Variants in LRGUK observed in about 807,000 individuals in gnomAD.
LRGUK encodes the protein leucine rich repeats and guanylate kinase domain containing, also known as leucine-rich repeat and guanylate kinase domain-containing protein.
In LRGUK, 65 loss-of-function variants were observed where a neutral mutation model predicts 76.0. The ratio of observed to expected loss-of-function variants is 0.85; its 90% CI spans 0.70 to 1.05. The LOEUF is 1.05. Ranked by LOEUF, LRGUK falls within the 50% of genes least tolerant of loss-of-function variation. The pLI, the probability that LRGUK is intolerant of heterozygous loss-of-function variation, is 0.00. For missense variants in LRGUK, 758 were observed against 732.8 expected, an observed-to-expected ratio of 1.03 and a Z score of -0.40; for synonymous variants, 268 against 265.6, an observed-to-expected ratio of 1.01 and a Z score of -0.09.
chr7:134,149,107 T>TAAAA (rs149661388), intron 5 of LRGUK, among the ~76,000 whole-genome samples: 1 of 127,128 alleles, frequency 7.9e-6, no homozygotes, highest in African/African-American at 2.7e-5. Context: ...CTTTCTTTTT[T>TAAAA]TAAAAAAAAA....
intron 16 of LRGUK, among the ~76,000 whole-genome samples, chr7:134,240,473 T>C (rs551301443): frequency 6.6e-6 from 1 of 151,992 alleles, no homozygotes; most frequent in East Asian, 1.9e-4. Flanking sequence ...ATCAAATGAG[T>C]GAAATGAAGC....
intron 3 of LRGUK, among the ~76,000 whole-genome samples, chr7:134,139,902 T>C (rs946411735): frequency 7.9e-5 from 12 of 152,210 alleles, no homozygotes; most frequent in African/African-American, 2.7e-4. Flanking sequence ...CTTTTCTTTA[T>C]TTTGCTTTTG....
chr7:134,222,597 T>G (rs776932587), intron 16 of LRGUK, among the ~76,000 whole-genome samples: 3 of 152,026 alleles, frequency 2.0e-5, no homozygotes, highest in Non-Finnish European at 2.9e-5. Context: ...TTTGTTTGTT[T>G]TGTTTTGTTT....
intron 15 of LRGUK, among the ~76,000 whole-genome samples, chr7:134,221,006 C>A (rs1292950480): frequency 6.6e-6 from 1 of 152,166 alleles, no homozygotes. Context: ...CTTCACTACA[C>A]TTGTAGTGCC....
At chr7:134,165,492 C>G (rs1041789841) in intron 7 of LRGUK, among the ~76,000 whole-genome samples, 1 of 152,150 alleles carries the variant, frequency 6.6e-6, no homozygotes, top group African/African-American at 2.4e-5. Context: ...CGAAACATCA[C>G]GTGAGCCACA....
At chr7:134,268,715 A>AAC (rs1802904777), downstream of LRGUK, among the ~76,000 whole-genome samples, 1 of 111,868 alleles carries the variant, frequency 8.9e-6, no homozygotes, top group South Asian at 2.7e-4. Context: ...TATGCAAAAA[A>AAC]TCTTTTTTTT....
chr7:134,157,647 C>T (rs1585457447), intron 5 of LRGUK, among the ~76,000 whole-genome samples: 2 of 152,290 alleles, frequency 1.3e-5, no homozygotes, highest in Middle Eastern at 6.8e-3. Flanking sequence ...CTCAGCCTCC[C>T]GAGTAGCTGG....
exon 16 of LRGUK, chr7:134,209,797 G>T (rs1585560374): frequency 2.5e-6 from 1 of 399,558 alleles, no homozygotes; most frequent in Non-Finnish European, 4.4e-6. Context: ...AGGAAGAGAA[G>T]GTCAGTGAGG....
chr7:134,197,617 G>T (rs1173047516), intron 13 of LRGUK, among the ~76,000 whole-genome samples: 1 of 152,122 alleles, frequency 6.6e-6, no homozygotes, highest in African/African-American at 2.4e-5. Flanking sequence ...TGTGTGGGCT[G>T]TGCTGCCATT....
chr7:134,182,411 A>G (rs1799794081), intron 10 of LRGUK, among the ~76,000 whole-genome samples: 1 of 152,170 alleles, frequency 6.6e-6, no homozygotes, highest in Non-Finnish European at 1.5e-5. Context: ...CAGATCTGTC[A>G]GATGCTGCCC....
downstream of LRGUK, among the ~76,000 whole-genome samples, chr7:134,265,299 C>T (rs1490584889): frequency 1.3e-5 from 2 of 152,054 alleles, no homozygotes; most frequent in African/African-American, 4.8e-5. Context: ...TGCACATTTC[C>T]TGGTTTTTCT....
chr7:134,148,234 C>T lies in LRGUK; in HGVS notation c.589-4C>T. 6.3e-7 allele frequency: 1 copy of T among 1,591,264 alleles called. No homozygotes were observed. Among genetic ancestry groups the T allele is most frequent in the Non-Finnish European group, 8.6e-7 (1 of 1,164,624 alleles). On this transcript the variant is annotated splice_polypyrimidine_tract_variant and splice_region_variant and intron_variant, in intron 4 of 15. Transcript: ENST00000645682. Reference sequence around the variant, plus strand: ...ATAACATCTTGTTCTCTTTCTCTTGCCAGAAGGCGGATTTTTCCCACAACC... The same window carrying T: ...ATAACATCTTGTTCTCTTTCTCTTGTCAGAAGGCGGATTTTTCCCACAACC...
chr7:134,240,314 A>G (rs560385562), intron 16 of LRGUK, among the ~76,000 whole-genome samples: 5 of 152,228 alleles, frequency 3.3e-5, no homozygotes, highest in Non-Finnish European at 7.3e-5. Context: ...ATGAAAGATT[A>G]GACGAATGGC....
intron 5 of LRGUK, among the ~76,000 whole-genome samples, chr7:134,157,538 T>A (rs573828887): frequency 6.6e-6 from 1 of 152,250 alleles, no homozygotes; most frequent in African/African-American, 2.4e-5. Context: ...TATGCGTTTT[T>A]TTGAGACGGA....
chr7:134,147,288 A>T (rs1257832591), intron 4 of LRGUK, among the ~76,000 whole-genome samples: 1 of 151,696 alleles, frequency 6.6e-6, no homozygotes, highest in East Asian at 1.9e-4. Flanking sequence ...ACAACAAAAA[A>T]CCCGGGTGTG....
chr7:134,227,881 C>A (rs886613312), intron 16 of LRGUK, among the ~76,000 whole-genome samples: 7 of 151,914 alleles, frequency 4.6e-5, no homozygotes, highest in Non-Finnish European at 8.8e-5. Context: ...GAATAAGAGA[C>A]ATAAAGCAAA....
intron 7 of LRGUK, among the ~76,000 whole-genome samples, chr7:134,170,119 T>C (rs1364011139): frequency 6.6e-6 from 1 of 152,138 alleles, no homozygotes; most frequent in Non-Finnish European, 1.5e-5. Context: ...AAACATTTTT[T>C]TGACCTGTTT....
chr7:134,133,748 A>T (rs1018814189), intron 1 of LRGUK, among the ~76,000 whole-genome samples: 1 of 152,150 alleles, frequency 6.6e-6, no homozygotes, highest in Non-Finnish European at 1.5e-5. Context: ...CAGAGACTTG[A>T]AGATAGAGAG....
At position 134,261,232 on chromosome 7, in the gene LRGUK, T is replaced by C. The variant is rs535510854; in HGVS notation, c.2348-2613T>C. Among the ~76,000 whole-genome samples the C allele has an allele frequency of 2.6e-5, 4 of 152,286 alleles. No homozygotes were observed. The East Asian group carries it at 7.7e-4, about 29-fold the overall frequency. ...CTGCTGGCTCTGGGTCAAACTCTCA[T>C]GTCTTTTTTTACATGAACTGTCAAA... is the stretch of plus-strand genomic sequence containing the variant. On this transcript the variant is annotated intron_variant, in intron 19 of 19. Coordinates refer to the LRGUK transcript ENST00000285928.
Sources: gnomAD v4.1 joint callset for allele counts (sites outside exome capture counted in the v4.1 genomes callset) on GRCh38, gnomAD v4.1.1 for gene constraint, MANE v1.5 for transcripts, NCBI Gene and HGNC (gene_info 2026-07-23, HGNC 2026-07-21) for gene names.